Variants in SAMTOR observed in about 807,000 individuals in gnomAD.
SAMTOR encodes the protein S-adenosylmethionine sensor upstream of mTORC1.
At chr7:112,911,337 A>G in the SAMTOR span, among the ~76,000 whole-genome samples, 2 of 152,134 alleles carry the variant, frequency 1.3e-5, no homozygotes, top group Non-Finnish European at 2.9e-5. Flanking sequence ...CTATCAAAGC[A>G]CTTGAGACCA....
At chr7:112,827,811 T>C in the SAMTOR span, among the ~76,000 whole-genome samples, 1 of 152,160 alleles carries the variant, frequency 6.6e-6, no homozygotes. Context: ...AGCCTCAACC[T>C]CCAGGGCTCA....
the SAMTOR span, among the ~76,000 whole-genome samples, chr7:112,883,987 C>T: frequency 6.6e-6 from 1 of 152,108 alleles, no homozygotes; most frequent in Admixed American, 6.5e-5. Flanking sequence ...GGGGAGGCCT[C>T]AGGAAACACA....
chr7:112,851,552 A>G, the SAMTOR span, among the ~76,000 whole-genome samples: 1 of 152,198 alleles, frequency 6.6e-6, no homozygotes, highest in African/African-American at 2.4e-5. Flanking sequence ...CTGAAGATTG[A>G]TTAAAGATTT....
the SAMTOR span, chr7:112,915,235 T>C: frequency 6.9e-7 from 1 of 1,443,420 alleles, no homozygotes; most frequent in East Asian, 2.5e-5. Context: ...AGACTCCGTC[T>C]CAGGAAAAAA....
chr7:112,862,744 C>A, the SAMTOR span, among the ~76,000 whole-genome samples: 3 of 152,034 alleles, frequency 2.0e-5, no homozygotes, highest in Non-Finnish European at 2.9e-5. Flanking sequence ...GCCTGGCCAA[C>A]ATGGGGAAAC....
chr7:112,906,233 C>T, the SAMTOR span, among the ~76,000 whole-genome samples: 4 of 152,116 alleles, frequency 2.6e-5, no homozygotes, highest in Admixed American at 6.5e-5. Context: ...AGCATGTTAC[C>T]ATACTGAATA....
At chr7:112,905,852 C>T in the SAMTOR span, among the ~76,000 whole-genome samples, 9 of 151,834 alleles carry the variant, frequency 5.9e-5, no homozygotes, top group African/African-American at 2.2e-4. Context: ...TACATTACTG[C>T]AAAATGAATA....
the SAMTOR span, among the ~76,000 whole-genome samples, chr7:112,825,129 T>C: frequency 6.6e-6 from 1 of 151,948 alleles, no homozygotes; most frequent in Non-Finnish European, 1.5e-5. Context: ...TCAAGCAATC[T>C]TCCCACCTCA....
the SAMTOR span, among the ~76,000 whole-genome samples, chr7:112,842,023 A>G: frequency 1.3e-5 from 2 of 152,152 alleles, no homozygotes; most frequent in Middle Eastern, 3.4e-3. Context: ...AAGCCTTTAT[A>G]GGTCTGTTCT....
At chr7:112,893,190 A>C in the SAMTOR span, among the ~76,000 whole-genome samples, 1 of 152,226 alleles carries the variant, frequency 6.6e-6, no homozygotes, top group African/African-American at 2.4e-5. Flanking sequence ...GAAGCTCTGA[A>C]GCCAGGTATT....
the SAMTOR span, among the ~76,000 whole-genome samples, chr7:112,929,923 G>C: frequency 6.6e-6 from 1 of 151,862 alleles, no homozygotes; most frequent in African/African-American, 2.4e-5. Flanking sequence ...CCACAAGCAT[G>C]GTATATGTTA....
chr7:112,873,800 A>G, the SAMTOR span, among the ~76,000 whole-genome samples: 1 of 152,172 alleles, frequency 6.6e-6, no homozygotes, highest in South Asian at 2.1e-4. Context: ...AAATATTTGC[A>G]AACTATGGAT....
At chr7:112,885,629 T>C in the SAMTOR span, among the ~76,000 whole-genome samples, 1 of 152,174 alleles carries the variant, frequency 6.6e-6, no homozygotes, top group African/African-American at 2.4e-5. Flanking sequence ...ATTGTCCATA[T>C]CACCACCAGC....
At chr7:112,937,789 G>T in the SAMTOR span, among the ~76,000 whole-genome samples, 3 of 148,020 alleles carry the variant, frequency 2.0e-5, no homozygotes, top group African/African-American at 7.5e-5. Context: ...ATTCACTTAT[G>T]AACTCCATGT....
At chr7:112,869,534 C>A in the SAMTOR span, among the ~76,000 whole-genome samples, 1 of 151,448 alleles carries the variant, frequency 6.6e-6, no homozygotes, top group Admixed American at 6.6e-5. Context: ...CAACATACAC[C>A]AGTCATATCA....
the SAMTOR span, among the ~76,000 whole-genome samples, chr7:112,902,462 C>T: frequency 2.3e-4 from 19 of 83,664 alleles, no homozygotes; most frequent in Non-Finnish European, 4.5e-4. Flanking sequence ...AAAAAAAAAC[C>T]AAAAAAGTTG....
chr7:112,876,988 A>C, the SAMTOR span, among the ~76,000 whole-genome samples: 5 of 152,196 alleles, frequency 3.3e-5, no homozygotes, highest in African/African-American at 1.2e-4. Context: ...CTCTGCCTTC[A>C]CAGCACATTC....
the SAMTOR span, among the ~76,000 whole-genome samples, chr7:112,930,828 G>C: frequency 5.3e-5 from 8 of 152,182 alleles, no homozygotes; most frequent in Non-Finnish European, 7.3e-5. Flanking sequence ...CTGAAGTAGA[G>C]CGATTAAGTA....
chr7:112,900,307 A>C, the SAMTOR span, among the ~76,000 whole-genome samples: 2 of 152,188 alleles, frequency 1.3e-5, no homozygotes, highest in South Asian at 4.1e-4. Flanking sequence ...AAAAGGCTTG[A>C]GAACCATTTT....
Sources: allele counts gnomAD v4.1 joint callset (sites outside exome capture counted in the v4.1 genomes callset), GRCh38; gene constraint gnomAD v4.1.1; transcripts MANE v1.5; gene names NCBI Gene and HGNC (gene_info 2026-07-23, HGNC 2026-07-21).